DGKI: variants seen among roughly 807,000 people sequenced by gnomAD.
The protein encoded by DGKI is diacylglycerol kinase iota, also known as DAG kinase iota.
In DGKI, 55 loss-of-function variants were observed where a neutral mutation model predicts 147.5. That is an observed-to-expected ratio of 0.37 (90% CI 0.30 to 0.47). The LOEUF is 0.47. DGKI is among the 20% of genes least tolerant of loss of function. DGKI has a pLI of 1.00. For missense variants in DGKI, 1,007 were observed against 1,323.8 expected, an observed-to-expected ratio of 0.76 and a Z score of 3.71; for synonymous variants, 469 against 477.1, an observed-to-expected ratio of 0.98 and a Z score of 0.22.
chr7:137,545,953 C>G (rs1384839788), intron 20 of DGKI: 1 of 702,672 alleles, frequency 1.4e-6, no homozygotes, highest in South Asian at 1.5e-5. Context: ...CAGTTTGCAC[C>G]TGATGAATAC....
intron 1 of DGKI, among the ~76,000 whole-genome samples, chr7:137,769,232 G>A (rs57189840): frequency 0.056 from 8,522 of 152,256 alleles, 574 homozygotes; most frequent in African/African-American, 0.17. Flanking sequence ...AACTCTGACT[G>A]TGGCAGATCC....
intron 2 of DGKI, 105 bp from the exon 3 acceptor site, chr7:137,678,757 G>T: frequency 3.1e-6 from 3 of 976,368 alleles, no homozygotes; most frequent in Non-Finnish European, 4.8e-6. Context: ...AAACCAAGGA[G>T]TCTAAACATT....
intron 19 of DGKI, among the ~76,000 whole-genome samples, chr7:137,559,437 TC>T (rs1585230941): frequency 6.6e-6 from 1 of 152,146 alleles, no homozygotes; most frequent in African/African-American, 2.4e-5. Flanking sequence ...CCTGTTTCTT[TC>T]CTTGACTATA....
intron 1 of DGKI, among the ~76,000 whole-genome samples, chr7:137,727,714 C>G (rs188698291): frequency 6.6e-5 from 10 of 152,288 alleles, no homozygotes; most frequent in Admixed American, 6.5e-4. Flanking sequence ...TGTTCACCAT[C>G]ACATCAAGAG....
chr7:137,815,952 C>T (rs1797724723), intron 1 of DGKI, among the ~76,000 whole-genome samples: 1 of 152,128 alleles, frequency 6.6e-6, no homozygotes. Flanking sequence ...CCATCATCAA[C>T]CTGTCCCTAA....
intron 3 of DGKI, among the ~76,000 whole-genome samples, chr7:137,663,965 T>G (rs1018203188): frequency 3.3e-5 from 5 of 152,054 alleles, no homozygotes; most frequent in African/African-American, 1.2e-4. Context: ...TAGGAAACAT[T>G]AGGAGACAAA....
chr7:137,458,802 G>A (rs1400281981), intron 27 of DGKI, among the ~76,000 whole-genome samples: 1 of 151,950 alleles, frequency 6.6e-6, no homozygotes, highest in East Asian at 1.9e-4. Context: ...GTCACTAATC[G>A]TGGTGGTACA....
At chr7:137,750,209 G>A (rs757448887) in intron 1 of DGKI, among the ~76,000 whole-genome samples, 6 of 152,192 alleles carry the variant, frequency 3.9e-5, no homozygotes, top group Non-Finnish European at 7.3e-5. Flanking sequence ...AACAAGAAAG[G>A]ACTCGGCTGC....
In DGKI at chr7:137,661,997, C is replaced by T. The variant is rs1822452132; in HGVS notation, c.607-5457G>A. On this transcript the variant is annotated intron_variant, in intron 3 of 32. Transcript: ENST00000614521. ...AGAGTTCTTTGATTTATTTAAAAAC[C>T]TAATTAGAAGAAATGACAAGCATAT... 2.0e-5 allele frequency among the ~76,000 whole-genome samples: 3 copies of T among 152,144 alleles called. No homozygotes were observed. In the South Asian group the frequency reaches 6.2e-4, roughly 31 times the overall value.
chr7:137,721,874 G>T (rs1190977187), intron 1 of DGKI: 5 of 663,504 alleles, frequency 7.5e-6, no homozygotes, highest in African/African-American at 5.5e-5. Context: ...GGTTCCATTT[G>T]CCCAGAATGC....
At chr7:137,404,143 T>C (rs1811856672) in intron 30 of DGKI, among the ~76,000 whole-genome samples, 1 of 152,188 alleles carries the variant, frequency 6.6e-6, no homozygotes, top group Admixed American at 6.5e-5. Context: ...AACACTATAA[T>C]TTAAAGGAGT....
At chr7:137,732,746 T>G (rs931539655) in intron 1 of DGKI, among the ~76,000 whole-genome samples, 1 of 152,012 alleles carries the variant, frequency 6.6e-6, no homozygotes, top group African/African-American at 2.4e-5. Context: ...CCAGCCCGCC[T>G]TTTGTATTGT....
chr7:137,448,300 C>CAAAA (rs35613517), intron 27 of DGKI, among the ~76,000 whole-genome samples: 5 of 79,938 alleles, frequency 6.3e-5, no homozygotes, highest in African/African-American at 2.5e-4. Context: ...ACTAGAAGCT[C>CAAAA]AAAAAAAAAA....
At chr7:137,500,931 A>G (rs1322573595) in intron 21 of DGKI, among the ~76,000 whole-genome samples, 1 of 152,144 alleles carries the variant, frequency 6.6e-6, no homozygotes. Flanking sequence ...ATTATTAACT[A>G]CTATCACCTG....
intron 23 of DGKI, among the ~76,000 whole-genome samples, chr7:137,474,450 T>C (rs1815096822): frequency 6.6e-6 from 1 of 151,996 alleles, no homozygotes; most frequent in Admixed American, 6.6e-5. Flanking sequence ...GAAGCATAAA[T>C]GGGTGCTGAA....
At chr7:137,454,292 G>C (rs1180703707) in intron 27 of DGKI, among the ~76,000 whole-genome samples, 1 of 152,130 alleles carries the variant, frequency 6.6e-6, no homozygotes, top group African/African-American at 2.4e-5. Context: ...AAAAAACGCT[G>C]TTTTACCTTT....
intron 2 of DGKI, among the ~76,000 whole-genome samples, chr7:137,683,587 C>G (rs1378194793): frequency 1.3e-5 from 2 of 152,128 alleles, no homozygotes; most frequent in Admixed American, 1.3e-4. Flanking sequence ...TTTTTGGTGC[C>G]ACGTTTTTGT....
intron 29 of DGKI, 96 bp from the exon 30 acceptor site, chr7:137,408,091 A>G (rs1426966841): frequency 6.2e-6 from 9 of 1,454,900 alleles, no homozygotes; most frequent in Non-Finnish European, 8.5e-6. Flanking sequence ...AGCAGACCAC[A>G]ATGTTTCCAG....
At position 137,766,571 on chromosome 7, in the gene DGKI, A is replaced by G. The variant is rs1478417589; in HGVS notation, c.402-76569T>C. Among the ~76,000 whole-genome samples the G allele has an allele frequency of 2.0e-5, 3 of 152,194 alleles. No homozygotes were observed. In the East Asian group the frequency reaches 5.8e-4, roughly 29 times the overall value. ...CGGAGCCCCTCAGAAAAGCTGAGGAATTGGAGGAGGAATTGGAAGTGTCAT... is the reference window on the plus strand; with the variant it reads ...CGGAGCCCCTCAGAAAAGCTGAGGAGTTGGAGGAGGAATTGGAAGTGTCAT... On this transcript the variant is annotated intron_variant, in intron 1 of 32. Transcript: ENST00000614521.
Sources: gnomAD v4.1 joint callset for allele counts (sites outside exome capture counted in the v4.1 genomes callset) on GRCh38, gnomAD v4.1.1 for gene constraint, MANE v1.5 for transcripts, NCBI Gene and HGNC (gene_info 2026-07-23, HGNC 2026-07-21) for gene names.